PKD1L1: variants seen among roughly 807,000 people sequenced by gnomAD.
PKD1L1 encodes polycystin-1-like protein 1.
PKD1L1 carries 236 observed loss-of-function variants against 323.4 expected under a neutral mutation model. The observed-to-expected ratio is 0.73, with a 90% confidence interval of 0.66 to 0.81. PKD1L1 has a LOEUF of 0.81. Ranked by LOEUF, PKD1L1 falls within the 40% of genes least tolerant of loss-of-function variation. The probability of loss-of-function intolerance (pLI) is 0.00; values close to 1 mark genes in which losing one functional copy is unlikely to be tolerated. For synonymous variants in PKD1L1, 1,344 were observed against 1,335.0 expected (o/e 1.01, Z -0.15); for missense variants, 3,320 against 3,508.0 (o/e 0.95, Z 1.35).
intron 4 of PKD1L1, among the ~76,000 whole-genome samples, chr7:47,936,208 G>A (rs753880658): frequency 6.6e-6 from 1 of 152,054 alleles, no homozygotes; most frequent in Non-Finnish European, 1.5e-5. Flanking sequence ...TGAACCATTT[G>A]AAGGCACAGT....
intron 12 of PKD1L1, among the ~76,000 whole-genome samples, chr7:47,903,538 ATAGT>A (rs1787137034): frequency 6.6e-6 from 1 of 152,184 alleles, no homozygotes; most frequent in Admixed American, 6.5e-5. Context: ...TCCTGAATCC[ATAGT>A]TAGTGATGGG....
At position 47,912,968 on chromosome 7, in the gene PKD1L1, C is replaced by CA. The variant is rs549575573; in HGVS notation, c.1228+2463dup. ...AGAATTTCAGGGAGGCTTCTTCAGA[C>CA]AGAGTGTCAGGGCCACCAGCTGAAT... On this transcript the variant is annotated intron_variant, in intron 8 of 56. Transcript: ENST00000289672. 4.4e-3 allele frequency among the ~76,000 whole-genome samples: 668 copies of CA among 152,128 alleles called. 4 individuals are homozygous for CA. Among genetic ancestry groups the CA allele is most frequent in the Non-Finnish European group, 7.9e-3 (534 of 67,998 alleles).
At position 47,827,539 on chromosome 7, in the gene PKD1L1, C is replaced by T. The variant is rs899911741; in HGVS notation, c.6736-71G>A. The T allele has an allele frequency of 3.0e-6, 4 of 1,332,114 alleles. No homozygotes were observed. The African/African-American group carries it at 5.8e-5, about 19-fold the overall frequency. 82.5% of individuals were successfully genotyped at this position (1,332,114 alleles called of 1,614,324 possible). A position where few individuals can be genotyped will look rare whatever the true frequency, so the allele number is the denominator to read the frequency against. On this transcript the variant is annotated intron_variant, in intron 44 of 56. Transcript: ENST00000289672. Reference sequence around the variant, plus strand: ...GGAGAGAGGCCCCTGGTGCTCCTGCCAAGCCAAGGAATGTGTCATTGCTGT... The same window carrying T: ...GGAGAGAGGCCCCTGGTGCTCCTGCTAAGCCAAGGAATGTGTCATTGCTGT...
chr7:47,948,276 G>A (rs1268758973), intron 1 of PKD1L1, 121 bp downstream of exon 1: 3 of 1,145,534 alleles, frequency 2.6e-6, no homozygotes, highest in Non-Finnish European at 3.9e-6. Context: ...TCCTGGTACA[G>A]GGCCTCCACT....
Position 47,812,001 on chromosome 7 carries a change from T to G in PKD1L1, c.7397A>C (p.Asp2466Ala). The change falls in exon 50 of 57, where the codon GAC (aspartate) becomes GCC (alanine). Residue 2466 changes from aspartate (D) to alanine (A), a missense_variant. Transcript: ENST00000289672. ...CACAGACACAGCCCTGGTGCTGCGG[T>G]CAATCCACATGCTGGCCCTGAGTCG... ...LSRLRASMWI[D>A]RSTRAVSVHF... The G allele has an allele frequency of 6.3e-7, 1 of 1,586,670 alleles. No individual in the cohort carries two copies. The highest frequency in any genetic ancestry group is 2.3e-5 in the East Asian group (1 of 43,342).
At chr7:47,819,104 T>G (rs1785085896) in intron 46 of PKD1L1, among the ~76,000 whole-genome samples, 1 of 152,192 alleles carries the variant, frequency 6.6e-6, no homozygotes, top group South Asian at 2.1e-4. Context: ...TTGTTGATGT[T>G]TCAGGATTAG....
intron 24 of PKD1L1, among the ~76,000 whole-genome samples, chr7:47,873,649 C>CTAA (rs1786333234): frequency 1.3e-5 from 1 of 78,096 alleles, no homozygotes; most frequent in African/African-American, 5.3e-5. Context: ...GACTCTGTCT[C>CTAA]AAAAAAAAAA....
chr7:47,849,753 TACA>T (rs1187503846), intron 31 of PKD1L1, among the ~76,000 whole-genome samples: 2 of 152,108 alleles, frequency 1.3e-5, no homozygotes, highest in African/African-American at 4.8e-5. Flanking sequence ...TGTAAACTAG[TACA>T]ACAGAACCAA....
intron 13 of PKD1L1, among the ~76,000 whole-genome samples, chr7:47,899,827 A>G (rs991371999): frequency 1.4e-4 from 21 of 151,882 alleles, no homozygotes; most frequent in East Asian, 3.9e-4. Flanking sequence ...GTGGTGGCGG[A>G]CGCCTGTAGT....
At chr7:47,786,664 TG>T (rs1455142625) in intron 56 of PKD1L1, among the ~76,000 whole-genome samples, 1 of 152,204 alleles carries the variant, frequency 6.6e-6, no homozygotes, top group African/African-American at 2.4e-5. Context: ...GAGGAAAATA[TG>T]TGGAGGAAAA....
intron 7 of PKD1L1, among the ~76,000 whole-genome samples, chr7:47,928,797 T>TAGAA (rs1787702949): frequency 6.6e-6 from 1 of 152,160 alleles, no homozygotes; most frequent in African/African-American, 2.4e-5. Context: ...AGAATTCATA[T>TAGAA]AGAACATTGT....
Position 47,829,592 on chromosome 7 carries a change from T to C in PKD1L1, c.6568A>G (p.Met2190Val). The C allele has an allele frequency of 1.2e-6, 2 of 1,610,488 alleles. No homozygotes were observed. Among genetic ancestry groups the C allele is most frequent in the Non-Finnish European group, 1.7e-6 (2 of 1,178,662 alleles). ...FITQPLMVCL[M>V]ALGFAWKRRA... ...CTTTTCCAAGCAAAACCCAAGGCCA[T>C]GAGGCATACCTGGAAGGAAAAACAT... Residue 2190 changes from methionine (M) to valine (V), a missense_variant, in exon 44 of 57, where the codon ATG becomes GTG. Transcript: ENST00000289672.
chr7:47,843,556 C>T (rs908274839), intron 33 of PKD1L1, among the ~76,000 whole-genome samples: 7 of 152,152 alleles, frequency 4.6e-5, no homozygotes, highest in African/African-American at 1.7e-4. Flanking sequence ...CATTATGTTC[C>T]TCCCTCTCTC....
At chr7:47,779,746 T>C (rs1786647933) in intron 56 of PKD1L1, among the ~76,000 whole-genome samples, 1 of 152,100 alleles carries the variant, frequency 6.6e-6, no homozygotes, top group Non-Finnish European at 1.5e-5. Flanking sequence ...CAAAATCTCA[T>C]TAGGTAGAAA....
At chr7:47,900,106 T>C (rs1246972583) in intron 13 of PKD1L1, among the ~76,000 whole-genome samples, 1 of 152,226 alleles carries the variant, frequency 6.6e-6, no homozygotes, top group African/African-American at 2.4e-5. Context: ...AATTACTTTT[T>C]ATTGTTTCTA....
At chr7:47,792,870 C>A in intron 55 of PKD1L1, 73 bp from the exon 56 acceptor site, 1 of 1,372,966 alleles carries the variant, frequency 7.3e-7, no homozygotes, top group South Asian at 1.3e-5. Context: ...TTATGTGAAG[C>A]ATTTAGGGGT....
At position 47,890,718 on chromosome 7, in the gene PKD1L1, G is replaced by A. The variant is rs1185069484; in HGVS notation, c.2499C>T (p.Cys833=). The A allele has an allele frequency of 6.2e-7, 1 of 1,613,184 alleles. No individual in the cohort carries two copies. The highest frequency in any genetic ancestry group is 1.7e-5 in the Admixed American group (1 of 60,032). The change falls in exon 16 of 57, where the codon TGC becomes TGT. Residue 833 remains cysteine (C), a synonymous_variant. Transcript: ENST00000289672. ...GTTGGTGTGCAGTGGAGGAGTCGAA[G>A]CAGGGATGTGCTGGGGAGCCAGCGG... The part of the protein sequence containing the change: ...CATAGSPAHP[C]FDSSTAHQLD...
chr7:47,888,013 G>A lies in PKD1L1; in HGVS notation c.2813C>T (p.Ala938Val). 1 of 1,613,474 alleles carries A rather than the reference G, an allele frequency of 6.2e-7. No homozygotes were observed. Among genetic ancestry groups the A allele is most frequent in the Non-Finnish European group, 8.5e-7 (1 of 1,179,522 alleles). Residue 938 changes from alanine to valine, a missense_variant, in exon 17 of 57, where the codon GCA (alanine) becomes GTA (valine). By Grantham distance (64) the Ala-to-Val change is moderately conservative (BLOSUM62 0). Transcript: ENST00000289672. ...ACCTTCTATCCTATTCTTTTCTGTT[G>A]CATTGACTAAAAAGAGATCCCAGGA... ...SYSWDLFLVN[A>V]TEKNRIEVPF...
chr7:47,954,830 G>A, the PKD1L1 span, among the ~76,000 whole-genome samples: 1 of 152,166 alleles, frequency 6.6e-6, no homozygotes, highest in African/African-American at 2.4e-5. Flanking sequence ...AGACTAGGAC[G>A]CTGGAAAGAG....
Sources: allele counts gnomAD v4.1 joint callset (sites outside exome capture counted in the v4.1 genomes callset), GRCh38; gene constraint gnomAD v4.1.1; transcripts MANE v1.5; gene names NCBI Gene and HGNC (gene_info 2026-07-23, HGNC 2026-07-21).